The following SUCLG2 variants were observed in gnomAD, a reference collection of about 807,000 sequenced individuals.
SUCLG2 encodes the protein succinate--CoA ligase [GDP-forming] subunit beta, mitochondrial.
In SUCLG2, 42 loss-of-function variants were observed where a neutral mutation model predicts 47.9. The ratio of observed to expected loss-of-function variants is 0.88; its 90% CI spans 0.69 to 1.14. The LOEUF is 1.14. SUCLG2 is among the 50% of genes most tolerant of loss of function. The pLI is 0.00. For missense variants in SUCLG2, 571 were observed against 525.9 expected, an observed-to-expected ratio of 1.09 and a Z score of -0.84; for synonymous variants, 195 against 197.3, an observed-to-expected ratio of 0.99 and a Z score of 0.10.
chr3:67,530,329 T>G (rs191162088), intron 2 of SUCLG2, among the ~76,000 whole-genome samples: 1 of 152,344 alleles, frequency 6.6e-6, no homozygotes, highest in Non-Finnish European at 1.5e-5. Context: ...TCCCAGAGCC[T>G]GAAAACTTGT....
chr3:67,527,472 T>C (rs746692153), intron 4 of SUCLG2, among the ~76,000 whole-genome samples: 1 of 152,212 alleles, frequency 6.6e-6, no homozygotes, highest in Non-Finnish European at 1.5e-5. Context: ...AGTGTCTGGA[T>C]ACACAAAAGG....
At chr3:67,546,607 C>T (rs1001877648) in intron 2 of SUCLG2, among the ~76,000 whole-genome samples, 7 of 152,174 alleles carry the variant, frequency 4.6e-5, no homozygotes, top group African/African-American at 1.2e-4. Flanking sequence ...TGGTAGCACA[C>T]GCCTATAATC....
At chr3:67,605,151 A>G (rs1008842529) in intron 2 of SUCLG2, among the ~76,000 whole-genome samples, 1 of 152,208 alleles carries the variant, frequency 6.6e-6, no homozygotes, top group Admixed American at 6.5e-5. Context: ...CCATGATGGT[A>G]TCATAATTAC....
chr3:67,457,943 C>T (rs1687869739), intron 9 of SUCLG2, among the ~76,000 whole-genome samples: 1 of 152,108 alleles, frequency 6.6e-6, no homozygotes, highest in Admixed American at 6.5e-5. Context: ...GAAAATGTGG[C>T]AGCAGAGATG....
At chr3:67,599,530 A>G (rs1432477091) in intron 2 of SUCLG2, among the ~76,000 whole-genome samples, 1 of 152,162 alleles carries the variant, frequency 6.6e-6, no homozygotes, top group African/African-American at 2.4e-5. Flanking sequence ...ATTTATAAAG[A>G]AAATATATAT....
intron 1 of SUCLG2, among the ~76,000 whole-genome samples, chr3:67,620,739 T>G (rs558026637): frequency 1.2e-4 from 18 of 152,088 alleles, no homozygotes; most frequent in Non-Finnish European, 2.4e-4. Context: ...GTGAAGGAAC[T>G]GAGGCAAAGC....
At chr3:67,628,162 A>G (rs1307133238) in intron 1 of SUCLG2, among the ~76,000 whole-genome samples, 1 of 152,238 alleles carries the variant, frequency 6.6e-6, no homozygotes, top group Non-Finnish European at 1.5e-5. Flanking sequence ...AATTTAGTAA[A>G]TACTTCCCTG....
chr3:67,385,183 C>T (rs149367644), intron 10 of SUCLG2, among the ~76,000 whole-genome samples: 425 of 152,326 alleles, frequency 2.8e-3, no homozygotes, highest in African/African-American at 9.6e-3. Flanking sequence ...TGTTCTGACA[C>T]TATAAGGCAG....
At chr3:67,578,779 C>G (rs532231323) in intron 2 of SUCLG2, among the ~76,000 whole-genome samples, 1 of 152,292 alleles carries the variant, frequency 6.6e-6, no homozygotes, top group Non-Finnish European at 1.5e-5. Flanking sequence ...TTCTGACTCC[C>G]TTCTCTCACT....
At chr3:67,497,180 C>T (rs2107064424) in intron 8 of SUCLG2, among the ~76,000 whole-genome samples, 1 of 152,280 alleles carries the variant, frequency 6.6e-6, no homozygotes, top group South Asian at 2.1e-4. Flanking sequence ...CTTTTGGTAT[C>T]ACTTGTAATT....
At chr3:67,376,395 T>C (rs953017531) in intron 10 of SUCLG2, 11 of 985,332 alleles carry the variant, frequency 1.1e-5, no homozygotes, top group African/African-American at 1.7e-5. Context: ...ATCTCTTGAC[T>C]GTTCCTGGTG....
chr3:67,422,107 T>C (rs2106861260), intron 9 of SUCLG2, among the ~76,000 whole-genome samples: 1 of 152,260 alleles, frequency 6.6e-6, no homozygotes, highest in East Asian at 1.9e-4. Context: ...GAGACTAAGC[T>C]TCAAAACTTG....
At chr3:67,481,338 C>T (rs1461547691) in intron 9 of SUCLG2, among the ~76,000 whole-genome samples, 1 of 152,234 alleles carries the variant, frequency 6.6e-6, no homozygotes, top group Non-Finnish European at 1.5e-5. Flanking sequence ...CTCTAGACCA[C>T]GTGGACCAGG....
downstream of SUCLG2, among the ~76,000 whole-genome samples, chr3:67,374,503 C>T (rs1701996037): frequency 6.6e-6 from 1 of 152,090 alleles, no homozygotes; most frequent in Non-Finnish European, 1.5e-5. Flanking sequence ...GAGATACATT[C>T]CTGGGGTTCT....
At position 67,400,834 on chromosome 3, in the gene SUCLG2, G is replaced by A; in HGVS notation, c.1080C>T (p.Val360=). The A allele has an allele frequency of 6.2e-7, 1 of 1,612,842 alleles. No individual in the cohort carries two copies. Among genetic ancestry groups the A allele is most frequent in the Non-Finnish European group, 8.5e-7 (1 of 1,179,780 alleles). The change falls in exon 10 of 11, where the codon GTC becomes GTT. Residue 360 remains valine, a synonymous_variant. Transcript: ENST00000307227. ...TADPKVEAIL[V]NIFGGIVNCA... is the part of the protein sequence containing the mutation. ...AGTTGACGATACCACCAAATATATT[G>A]ACAAGGATGGCTTCAACCTGAAATC...
intron 2 of SUCLG2, among the ~76,000 whole-genome samples, chr3:67,551,778 G>C (rs1218034295): frequency 2.0e-5 from 3 of 152,096 alleles, no homozygotes; most frequent in Non-Finnish European, 2.9e-5. Context: ...CTCACCACTG[G>C]CTATGCACCA....
intron 10 of SUCLG2, among the ~76,000 whole-genome samples, chr3:67,368,260 A>C (rs1421870598): frequency 1.3e-5 from 2 of 152,180 alleles, no homozygotes; most frequent in Non-Finnish European, 2.9e-5. Context: ...AAGGAACCCA[A>C]AGGATTCTTT....
chr3:67,471,804 A>G (rs1401727058), intron 9 of SUCLG2, among the ~76,000 whole-genome samples: 1 of 152,182 alleles, frequency 6.6e-6, no homozygotes, highest in Non-Finnish European at 1.5e-5. Context: ...TCCACTCACC[A>G]AGGCCAACTA....
intron 9 of SUCLG2, among the ~76,000 whole-genome samples, chr3:67,459,531 A>C (rs1185535675): frequency 6.6e-6 from 1 of 152,178 alleles, no homozygotes; most frequent in Non-Finnish European, 1.5e-5. Context: ...TCAAGTTTAA[A>C]TTTGGGTCAG....
Sources: gnomAD v4.1 joint callset for allele counts (sites outside exome capture counted in the v4.1 genomes callset) on GRCh38, gnomAD v4.1.1 for gene constraint, MANE v1.5 for transcripts, NCBI Gene and HGNC (gene_info 2026-07-23, HGNC 2026-07-21) for gene names.